The following TSHZ1 variants were observed in gnomAD, a reference collection of about 807,000 sequenced individuals.
The protein encoded by TSHZ1 is teashirt zinc finger homeobox 1, also known as teashirt homolog 1.
Under a neutral mutation model 67.1 loss-of-function variants are expected in TSHZ1, and 12 were observed. The observed-to-expected ratio is 0.18, with a 90% CI of 0.11 to 0.29. TSHZ1 has a LOEUF of 0.29. Ranked by LOEUF, TSHZ1 falls within the 10% of genes least tolerant of loss-of-function variation. The pLI is 1.00. For synonymous variants in TSHZ1, 632 were observed against 622.4 expected, an observed-to-expected ratio of 1.02 and a Z score of -0.23; for missense variants, 1,305 against 1,413.9, an observed-to-expected ratio of 0.92 and a Z score of 1.23.
At chr18:75,243,160 G>A (rs1435830242) in intron 1 of TSHZ1, among the ~76,000 whole-genome samples, 1 of 152,194 alleles carries the variant, frequency 6.6e-6, no homozygotes. Flanking sequence ...GACAAGAGGG[G>A]TACTGCAGGC....
chr18:75,248,496 T>G (rs2023251768), intron 1 of TSHZ1, among the ~76,000 whole-genome samples: 1 of 152,266 alleles, frequency 6.6e-6, no homozygotes, highest in South Asian at 2.1e-4. Context: ...ATCCAAGGGT[T>G]ATTTATCGTA....
In TSHZ1 at chr18:75,287,319, G is replaced by T. The variant is rs200595144; in HGVS notation, c.1912G>T (p.Ala638Ser). 29 of 1,614,040 alleles carry T rather than the reference G, an allele frequency of 1.8e-5. No homozygotes were observed. The highest frequency in any genetic ancestry group is 6.8e-6 in the Non-Finnish European group (8 of 1,180,046). ...TPPPHKSNVS[A>S]MEELVEKVTG... The stretch of plus-strand genomic sequence containing the variant: ...CCCACCGCACAAGAGCAACGTGTCT[G>T]CCATGGAGGAGCTGGTGGAGAAGGT... Residue 638 changes from alanine (A) to serine (S), a missense_variant, in exon 2 of 2, where the codon GCC becomes TCC. Transcript: ENST00000580243. This position sits in a 1 kb window ranked among gnomAD's most constrained non-coding sequence, Gnocchi z 5.0.
At chr18:75,227,029 C>G (rs1197198928) in intron 1 of TSHZ1, among the ~76,000 whole-genome samples, 1 of 152,158 alleles carries the variant, frequency 6.6e-6, no homozygotes, top group African/African-American at 2.4e-5. Flanking sequence ...TAGGGACACC[C>G]CATGGAGTCC....
chr18:75,275,832 A>C (rs1340877535), intron 1 of TSHZ1, among the ~76,000 whole-genome samples: 1 of 152,234 alleles, frequency 6.6e-6, no homozygotes, highest in Non-Finnish European at 1.5e-5. Context: ...ACCATGTGTT[A>C]ACATGCACTC....
rs763181043 is a variant in TSHZ1 at position 75,286,100 on chromosome 18, GAAC to G, written c.699_701del (p.Asn233del). On this transcript the variant is annotated inframe_deletion, in exon 2 of 2. Transcript: ENST00000580243. The surrounding 1 kb of genome is among the most constrained non-coding windows in gnomAD (Gnocchi z 5.1). ...TCAGCACCGTGCAGCTCTACCGCCAGAACAACAAGCTCTACGGCTCCGTCTTCA... is the reference window on the plus strand; with the variant it reads ...TCAGCACCGTGCAGCTCTACCGCCAGAACAAGCTCTACGGCTCCGTCTTCA... 6 of 1,612,070 alleles carry G rather than the reference GAAC, an allele frequency of 3.7e-6. No individual in the cohort carries two copies. The highest frequency in any genetic ancestry group is 1.7e-4 in the Middle Eastern group (1 of 6,060).
chr18:75,213,882 T>G (rs2022731959), intron 1 of TSHZ1, among the ~76,000 whole-genome samples: 1 of 152,144 alleles, frequency 6.6e-6, no homozygotes, highest in Admixed American at 6.5e-5. Flanking sequence ...GTGATGGCTA[T>G]GAAGAGTTGA....
intron 1 of TSHZ1, chr18:75,283,813 G>A (rs2023716676): frequency 6.6e-6 from 1 of 152,272 alleles, no homozygotes; most frequent in Non-Finnish European, 1.5e-5. Context: ...TGCGGGTTTT[G>A]AGGCTCTCAC....
At chr18:75,233,838 C>T (rs933512403) in intron 1 of TSHZ1, among the ~76,000 whole-genome samples, 3 of 152,140 alleles carry the variant, frequency 2.0e-5, no homozygotes, top group South Asian at 2.1e-4. Context: ...TCCGCACGCC[C>T]GGCTTGCACA....
chr18:75,250,313 C>G (rs983984375), intron 1 of TSHZ1, among the ~76,000 whole-genome samples: 7 of 152,200 alleles, frequency 4.6e-5, no homozygotes, highest in African/African-American at 1.7e-4. Context: ...CACGCCCACA[C>G]CCTCGCCCCA....
intron 1 of TSHZ1, among the ~76,000 whole-genome samples, chr18:75,261,420 G>C (rs905257087): frequency 6.6e-6 from 1 of 152,170 alleles, no homozygotes. Flanking sequence ...AGCTCATACT[G>C]GCACCTTTGA....
rs750393990 is a variant in TSHZ1, at chr18:75,287,201, C to T, written c.1794C>T (p.Ser598=). 102 of 1,613,494 alleles carry T rather than the reference C, an allele frequency of 6.3e-5. No individual in the cohort carries two copies. Among genetic ancestry groups the T allele is most frequent in the Non-Finnish European group, 8.0e-5 (94 of 1,179,862 alleles). Residue 598 remains serine, a synonymous_variant, in exon 2 of 2, where the codon AGC becomes AGT. Transcript: ENST00000580243. This position sits in a 1 kb window ranked among gnomAD's most constrained non-coding sequence, Gnocchi z 5.0. ...TVKPLPAAVQ[S]VQVQPSYAGG... ...AGCCACTGCCGGCGGCCGTGCAGAGCGTGCAGGTGCAGCCGTCCTATGCTG... is the reference window on the plus strand; with the variant it reads ...AGCCACTGCCGGCGGCCGTGCAGAGTGTGCAGGTGCAGCCGTCCTATGCTG...
intron 1 of TSHZ1, among the ~76,000 whole-genome samples, chr18:75,231,750 G>A (rs1438499871): frequency 6.6e-6 from 1 of 152,036 alleles, no homozygotes. Context: ...GGCCAGGCTG[G>A]TCTCTAACTC....
chr18:75,216,583 G>C (rs2022771132), intron 1 of TSHZ1, among the ~76,000 whole-genome samples: 1 of 152,164 alleles, frequency 6.6e-6, no homozygotes, highest in South Asian at 2.1e-4. Context: ...TCATACCCTT[G>C]GTTATAAGAG....
intron 1 of TSHZ1, among the ~76,000 whole-genome samples, chr18:75,279,256 G>C (rs1365871022): frequency 6.6e-6 from 1 of 152,156 alleles, no homozygotes; most frequent in East Asian, 1.9e-4. Flanking sequence ...TTGTAAGTTA[G>C]AGGGGAAAAG....
chr18:75,222,886 G>C (rs1321585776), intron 1 of TSHZ1, among the ~76,000 whole-genome samples: 1 of 152,196 alleles, frequency 6.6e-6, no homozygotes, highest in African/African-American at 2.4e-5. Flanking sequence ...TTAGACTACT[G>C]AGAGTCTGGC....
At chr18:75,239,421 ATTAAATT>A (rs1300237304) in intron 1 of TSHZ1, among the ~76,000 whole-genome samples, 1 of 152,210 alleles carries the variant, frequency 6.6e-6, no homozygotes, top group African/African-American at 2.4e-5. Context: ...AATTTGCAAA[ATTAAATT>A]TTTGTTTTAA....
At chr18:75,262,591 T>C (rs1199392282) in intron 1 of TSHZ1, among the ~76,000 whole-genome samples, 1 of 152,204 alleles carries the variant, frequency 6.6e-6, no homozygotes, top group East Asian at 1.9e-4. Flanking sequence ...TAAAATACGC[T>C]TGCATTAAGC....
chr18:75,265,565 A>G (rs927523831), intron 1 of TSHZ1, among the ~76,000 whole-genome samples: 1 of 152,228 alleles, frequency 6.6e-6, no homozygotes, highest in Non-Finnish European at 1.5e-5. Flanking sequence ...TTTGCTGCAT[A>G]AAGTGTCACT....
rs890982813 is a variant in TSHZ1 at position 75,237,792 on chromosome 18, AT to A, written c.40+25879del. Reference sequence around the variant, plus strand: ...ATTAGACTGAAGCCTTCTTTCTTTCATTTATTTATTTATTTATTTATTTATT... The same window carrying A: ...ATTAGACTGAAGCCTTCTTTCTTTCATTATTTATTTATTTATTTATTTATT... On this transcript the variant is annotated intron_variant, in intron 1 of 1. Transcript: ENST00000580243. Among the ~76,000 whole-genome samples the A allele has an allele frequency of 2.8e-4, 9 of 32,198 alleles. No homozygotes were observed. The Admixed American group carries it at 2.9e-3, about 10-fold the overall frequency. 21.1% of individuals were successfully genotyped at this position (32,198 alleles called of 152,430 possible).
Sources: allele counts gnomAD v4.1 joint callset (sites outside exome capture counted in the v4.1 genomes callset), GRCh38; gene constraint gnomAD v4.1.1; non-coding constraint Gnocchi (gnomAD v3.1); transcripts MANE v1.5; gene names NCBI Gene and HGNC (gene_info 2026-07-23, HGNC 2026-07-21).